Variants in ADAMTS17 observed in about 807,000 individuals in gnomAD.
ADAMTS17 encodes the protein A disintegrin and metalloproteinase with thrombospondin motifs 17.
A neutral mutation model predicts 141.5 loss-of-function variants in ADAMTS17; 113 were observed. The ratio of observed to expected loss-of-function variants is 0.80; its 90% CI spans 0.69 to 0.93. The LOEUF (loss-of-function observed/expected upper bound fraction) is 0.93, where lower values mean the gene tolerates loss of function less well. ADAMTS17 is among the 40% of genes least tolerant of loss of function. The probability of loss-of-function intolerance (pLI) is 0.00; values close to 1 mark genes in which losing one functional copy is unlikely to be tolerated. For synonymous variants in ADAMTS17, 768 were observed against 630.6 expected, an observed-to-expected ratio of 1.22 and a Z score of -3.27; for missense variants, 1,659 against 1,517.9, an observed-to-expected ratio of 1.09 and a Z score of -1.54.
At chr15:100,174,441 T>A (rs892442027) in intron 8 of ADAMTS17, among the ~76,000 whole-genome samples, 1 of 150,302 alleles carries the variant, frequency 6.7e-6, no homozygotes, top group African/African-American at 2.5e-5. Flanking sequence ...GTATCCTGGG[T>A]ATTGTACAGA....
intron 4 of ADAMTS17, among the ~76,000 whole-genome samples, chr15:100,268,534 C>G (rs1417744158): frequency 6.6e-6 from 1 of 152,180 alleles, no homozygotes; most frequent in African/African-American, 2.4e-5. Context: ...TTGCGTTGCT[C>G]TGATGATTGC....
intron 3 of ADAMTS17, among the ~76,000 whole-genome samples, chr15:100,303,881 C>A (rs2045130076): frequency 6.6e-6 from 1 of 152,096 alleles, no homozygotes; most frequent in South Asian, 2.1e-4. Context: ...TGCCGCCACG[C>A]CCGGCTAATT....
chr15:100,152,174 G>T (rs972553538), intron 10 of ADAMTS17, among the ~76,000 whole-genome samples: 1 of 152,108 alleles, frequency 6.6e-6, no homozygotes, highest in South Asian at 2.1e-4. Context: ...AATTTGATAC[G>T]CTCAAATGTT....
At position 100,110,648 on chromosome 15, in the gene ADAMTS17, CCTCT is replaced by C. The variant is rs373976940; in HGVS notation, c.1889-1536_1889-1533del. Among the ~76,000 whole-genome samples, 6 of 152,036 alleles carry C rather than the reference CCTCT, an allele frequency of 3.9e-5. No individual in the cohort carries two copies. The East Asian group carries it at 5.8e-4, about 15-fold the overall frequency. ...TTGAGCAAGAGGAATGCATTTTTCT[CCTCT>C]CTCTCTCTGTCACCTCACCCTAATG... On this transcript the variant is annotated intron_variant, in intron 13 of 21. Transcript: ENST00000268070.
intron 7 of ADAMTS17, among the ~76,000 whole-genome samples, chr15:100,234,984 T>A (rs987832971): frequency 1.3e-5 from 2 of 152,172 alleles, no homozygotes; most frequent in Non-Finnish European, 2.9e-5. Context: ...ATGAATAAGC[T>A]GAATTGGCTT....
At position 100,160,539 on chromosome 15, in the gene ADAMTS17, T is replaced by C. The variant is rs187828451; in HGVS notation, c.1182-5219A>G. ...CTCCTTCTTCCCACAGGGCCTCTTCTCCTGGCCAGAGAACCTGGTGATTGA... is the reference window on the plus strand; with the variant it reads ...CTCCTTCTTCCCACAGGGCCTCTTCCCCTGGCCAGAGAACCTGGTGATTGA... On this transcript the variant is annotated intron_variant, in intron 8 of 21. Coordinates refer to ENST00000268070, the MANE Select transcript of ADAMTS17 (RefSeq NM_139057.4). Among the ~76,000 whole-genome samples, 9 of 152,302 alleles carry C rather than the reference T, an allele frequency of 5.9e-5. No homozygotes were observed. The South Asian group carries it at 6.2e-4, about 11-fold the overall frequency.
intron 15 of ADAMTS17, among the ~76,000 whole-genome samples, chr15:100,095,504 A>T (rs1217409330): frequency 6.6e-6 from 1 of 152,262 alleles, no homozygotes; most frequent in African/African-American, 2.4e-5. Context: ...GGGAAAATGA[A>T]CTGAGAAGCT....
chr15:100,173,954 C>T (rs1401777580), intron 8 of ADAMTS17, among the ~76,000 whole-genome samples: 2 of 152,202 alleles, frequency 1.3e-5, no homozygotes, highest in African/African-American at 4.8e-5. Context: ...CAGGCAGGAC[C>T]AGAGCCGCAG....
intron 3 of ADAMTS17, among the ~76,000 whole-genome samples, chr15:100,307,702 G>C (rs898311607): frequency 6.6e-6 from 1 of 152,192 alleles, no homozygotes; most frequent in African/African-American, 2.4e-5. Context: ...TTGAGGAGGA[G>C]AAAATGAGAT....
At chr15:100,137,897 A>C (rs2038420193) in intron 10 of ADAMTS17, among the ~76,000 whole-genome samples, 1 of 151,458 alleles carries the variant, frequency 6.6e-6, no homozygotes, top group Non-Finnish European at 1.5e-5. Flanking sequence ...GCCAACACCC[A>C]CCCTTTCACT....
chr15:100,206,058 C>T (rs371390789), intron 7 of ADAMTS17, among the ~76,000 whole-genome samples: 4 of 152,186 alleles, frequency 2.6e-5, no homozygotes, highest in Non-Finnish European at 4.4e-5. Context: ...TCATTCTGAC[C>T]GCTCTCTCGG....
intron 7 of ADAMTS17, among the ~76,000 whole-genome samples, chr15:100,227,713 T>C (rs958210627): frequency 3.3e-5 from 5 of 152,196 alleles, no homozygotes; most frequent in African/African-American, 1.2e-4. Flanking sequence ...CAGCAGGCCT[T>C]TGCTTAGATT....
chr15:100,239,658 C>A (rs536752730), intron 7 of ADAMTS17, among the ~76,000 whole-genome samples: 20 of 152,284 alleles, frequency 1.3e-4, no homozygotes, highest in Admixed American at 1.3e-3. Context: ...CATGCTTTGA[C>A]GTCTAATGAG....
chr15:100,143,546 A>T (rs189412093), intron 10 of ADAMTS17, among the ~76,000 whole-genome samples: 1 of 152,368 alleles, frequency 6.6e-6, no homozygotes, highest in Non-Finnish European at 1.5e-5. Flanking sequence ...CCATTGGCTA[A>T]AAGAGGAGAC....
At chr15:100,233,451 C>T (rs1329404611) in intron 7 of ADAMTS17, among the ~76,000 whole-genome samples, 1 of 151,108 alleles carries the variant, frequency 6.6e-6, no homozygotes, top group Non-Finnish European at 1.5e-5. Context: ...GTCCTGAGTC[C>T]TTCATCTCTC....
chr15:100,339,452 AG>A (rs1049443015), intron 2 of ADAMTS17, among the ~76,000 whole-genome samples: 2 of 152,150 alleles, frequency 1.3e-5, no homozygotes, highest in Admixed American at 6.6e-5. Flanking sequence ...TGGCAAAAAC[AG>A]GAAAAATGAT....
intron 20 of ADAMTS17, chr15:99,979,481 G>C (rs1368406065): frequency 6.6e-6 from 1 of 152,166 alleles, no homozygotes; most frequent in Non-Finnish European, 1.5e-5. Context: ...GAAGGGAAAA[G>C]CCAACGTTCC....
intron 13 of ADAMTS17, among the ~76,000 whole-genome samples, chr15:100,114,861 G>A (rs1035401558): frequency 7.9e-5 from 12 of 152,168 alleles, no homozygotes; most frequent in African/African-American, 2.7e-4. Context: ...ATCCAAAAGC[G>A]GTCAGAAGGA....
At chr15:100,326,971 T>A (rs2045919823) in intron 3 of ADAMTS17, among the ~76,000 whole-genome samples, 2 of 152,216 alleles carry the variant, frequency 1.3e-5, no homozygotes, top group South Asian at 2.1e-4. Flanking sequence ...TGAACTCATG[T>A]CAATGATGTC....
Sources: allele counts gnomAD v4.1 joint callset (sites outside exome capture counted in the v4.1 genomes callset), GRCh38; gene constraint gnomAD v4.1.1; transcripts MANE v1.5; gene names NCBI Gene and HGNC (gene_info 2026-07-23, HGNC 2026-07-21).